The following NLRP13 variants were observed in gnomAD, a reference collection of about 807,000 sequenced individuals.
NLRP13 encodes NLR family pyrin domain containing 13, also known as NACHT, LRR and PYD domains-containing protein 13.
A neutral mutation model predicts 94.4 loss-of-function variants in NLRP13; 82 were observed. The observed-to-expected ratio is 0.87, with a 90% confidence interval of 0.73 to 1.04. The LOEUF (loss-of-function observed/expected upper bound fraction) is 1.04. Among genes scored for constraint, NLRP13 ranks in the 50% least tolerant of loss-of-function variants. NLRP13 has a pLI of 0.00. For missense variants in NLRP13, 1,426 were observed against 1,230.8 expected (o/e 1.16, Z -2.37); for synonymous variants, 553 against 464.7 (o/e 1.19, Z -2.45).
At chr19:55,930,820 G>A (rs1987096677) in intron 1 of NLRP13, among the ~76,000 whole-genome samples, 1 of 132,956 alleles carries the variant, frequency 7.5e-6, no homozygotes, top group Admixed American at 7.4e-5. Context: ...ACTCACCACA[G>A]CAGATTACAT....
intron 4 of NLRP13, among the ~76,000 whole-genome samples, chr19:55,921,483 G>C (rs1986824628): frequency 6.6e-6 from 1 of 152,138 alleles, no homozygotes; most frequent in African/African-American, 2.4e-5. Flanking sequence ...ATGCACATAT[G>C]ATATGGACAT....
In NLRP13 at chr19:55,898,204, TTGTTTTTG is replaced by T. The variant is rs1319412365; in HGVS notation, c.2957+558_2957+565del. On this transcript the variant is annotated intron_variant, in intron 10 of 10. Coordinates refer to ENST00000342929, the MANE Select transcript of NLRP13 (RefSeq NM_176810.2). ...TCATCTAGCAGGAGAGTTTTTGTTT[TTGTTTTTG>T]TTTTTTTTTTTTTTGAGATGGAGTT... Among the ~76,000 whole-genome samples the T allele has an allele frequency of 9.0e-3, 289 of 31,974 alleles. 7 individuals are homozygous for T. Among genetic ancestry groups the T allele is most frequent in the African/African-American group, 0.024 (231 of 9,482 alleles). 21.0% of individuals were successfully genotyped at this position (31,974 alleles called of 152,430 possible).
downstream of NLRP13, among the ~76,000 whole-genome samples, chr19:55,893,854 A>G (rs1015701479): frequency 1.3e-5 from 2 of 152,188 alleles, no homozygotes; most frequent in Non-Finnish European, 2.9e-5. Context: ...CTTCATCTTT[A>G]ACGGTTGCTG....
At chr19:55,914,007 C>T (rs1273072010) in intron 4 of NLRP13, among the ~76,000 whole-genome samples, 2 of 152,226 alleles carry the variant, frequency 1.3e-5, no homozygotes, top group Admixed American at 6.5e-5. Context: ...TGACCCGACT[C>T]GACTCACAAG....
chr19:55,897,957 T>C (rs1046837357), intron 10 of NLRP13, among the ~76,000 whole-genome samples: 1 of 152,152 alleles, frequency 6.6e-6, no homozygotes. Flanking sequence ...CAAAAAATCC[T>C]ACGGTTCAGA....
chr19:55,894,907 A>G (rs1439440426), downstream of NLRP13, among the ~76,000 whole-genome samples: 1 of 152,208 alleles, frequency 6.6e-6, no homozygotes, highest in African/African-American at 2.4e-5. Context: ...TGCACCATCC[A>G]GTACGGTAGT....
chr19:55,922,920 AGT>A (rs1986868806), intron 4 of NLRP13, among the ~76,000 whole-genome samples: 1 of 152,178 alleles, frequency 6.6e-6, no homozygotes, highest in South Asian at 2.1e-4. Flanking sequence ...AGCCCCAAAG[AGT>A]AGTGGGTGGA....
chr19:55,891,840 C>T (rs575938572), downstream of NLRP13: 24 of 376,622 alleles, frequency 6.4e-5, 1 homozygote, highest in South Asian at 1.2e-3. Context: ...CAGACCTGGG[C>T]GTGCAATGGG....
At position 55,902,049 on chromosome 19, in the gene NLRP13, G is replaced by T. The variant is rs1027670535; in HGVS notation, c.2775C>A (p.Asn925Lys). Residue 925 changes from asparagine to lysine, a missense_variant, in exon 9 of 11, where the codon AAC (asparagine) becomes AAA (lysine). Asn to Lys is a moderately conservative substitution (Grantham distance 94, BLOSUM62 0). Transcript: ENST00000342929. ...AGAAAACTTACTTCAGGCTCTGCAGGTTACCATCTGGGCGACCCAAGGCCT... is the reference window on the plus strand; with the variant it reads ...AGAAAACTTACTTCAGGCTCTGCAGTTTACCATCTGGGCGACCCAAGGCCT... ...LCEALGRPDGNLQSLNLSGCS... is the reference protein window; with the variant it reads ...LCEALGRPDGKLQSLNLSGCS... The T allele has an allele frequency of 6.2e-7, 1 of 1,613,926 alleles. No individual in the cohort carries two copies. Among genetic ancestry groups the T allele is most frequent in the African/African-American group, 1.3e-5 (1 of 74,906 alleles).
At chr19:55,900,509 C>A (rs371052407) in intron 9 of NLRP13, among the ~76,000 whole-genome samples, 2 of 152,110 alleles carry the variant, frequency 1.3e-5, no homozygotes, top group East Asian at 3.9e-4. Flanking sequence ...CGGTGGCTCA[C>A]GCCTGTAATC....
intron 1 of NLRP13, 115 bp from the exon 2 acceptor site, chr19:55,925,150 C>T (rs1477436788): frequency 3.3e-6 from 3 of 897,092 alleles, no homozygotes; most frequent in Non-Finnish European, 5.4e-6. Context: ...GTTTGAAGGT[C>T]TGATTCCTCC....
chr19:55,924,408 C>T (rs773334873), intron 3 of NLRP13, among the ~76,000 whole-genome samples, 182 bp downstream of exon 3: 26 of 152,140 alleles, frequency 1.7e-4, no homozygotes, highest in Admixed American at 1.6e-3. Flanking sequence ...CAGATATGAG[C>T]CGTTCTACTC....
intron 1 of NLRP13, among the ~76,000 whole-genome samples, chr19:55,926,449 C>T (rs972082789): frequency 1.3e-5 from 2 of 152,154 alleles, no homozygotes; most frequent in African/African-American, 4.8e-5. Context: ...ACTCACCAGG[C>T]CTAGGCATTC....
rs780778410 is a variant in NLRP13, at chr19:55,924,601, T to C, written c.446A>G (p.Glu149Gly). 1.9e-6 allele frequency: 3 copies of C among 1,613,044 alleles called. No homozygotes were observed. The African/African-American group carries it at 4.0e-5, about 22-fold the overall frequency. Residue 149 changes from glutamate (E) to glycine (G), a missense_variant, in exon 3 of 11, where the codon GAA becomes GGA. Glu to Gly is a moderately conservative substitution (Grantham distance 98, BLOSUM62 -2). Coordinates refer to ENST00000342929, the MANE Select transcript of NLRP13 (RefSeq NM_176810.2). ...DPNQEELDEL[E>G]EETGNVQAQG... ...AGTAATGTACACACCTGTTTCTTCT[T>C]CTAGCTCGTCTAGTTCTTCTTGGTT...
intron 5 of NLRP13, among the ~76,000 whole-genome samples, chr19:55,911,065 G>A (rs1318210446): frequency 2.0e-5 from 3 of 152,158 alleles, no homozygotes; most frequent in Admixed American, 2.0e-4. Context: ...GGGTGTGGGG[G>A]TTGCAAGACC....
At chr19:55,913,856 A>G (rs576806323) in intron 4 of NLRP13, among the ~76,000 whole-genome samples, 1 of 151,950 alleles carries the variant, frequency 6.6e-6, no homozygotes, top group East Asian at 1.9e-4. Flanking sequence ...CCAGCTCAGC[A>G]CCCCAAAGAC....
At chr19:55,924,469 A>G (rs1016866067) in intron 3 of NLRP13, 121 bp downstream of exon 3, 4 of 709,246 alleles carry the variant, frequency 5.6e-6, no homozygotes, top group Admixed American at 2.4e-5. Flanking sequence ...AGATGGAAAG[A>G]GTTTTTAATT....
At chr19:55,906,488 C>G (rs1292438249) in intron 7 of NLRP13, among the ~76,000 whole-genome samples, 1 of 152,088 alleles carries the variant, frequency 6.6e-6, no homozygotes, top group Non-Finnish European at 1.5e-5. Context: ...CACTGTGCCA[C>G]TCCAGCTTGC....
rs139718898 is a variant in NLRP13, at chr19:55,912,213, G to A, written c.1604C>T (p.Thr535Ile). 1,263 of 1,614,160 alleles carry A rather than the reference G, an allele frequency of 7.8e-4. 10 individuals carry two copies. The African/African-American group carries it at 0.015, about 19-fold the overall frequency. The change falls in exon 5 of 11, where the codon ACC becomes ATC. Residue 535 changes from threonine to isoleucine, a missense_variant. By Grantham distance (89) the Thr-to-Ile change is moderately conservative. Coordinates refer to ENST00000342929, the MANE Select transcript of NLRP13 (RefSeq NM_176810.2). ...INDCGGCTTF[T>I]HLSFQEFFAA... Reference sequence around the variant, plus strand: ...AAAAAACTCCTGGAAACTTAGGTGGGTGAAAGTAGTGCAACCCCCACAGTC... The same window carrying A: ...AAAAAACTCCTGGAAACTTAGGTGGATGAAAGTAGTGCAACCCCCACAGTC...
Sources: allele counts gnomAD v4.1 joint callset (sites outside exome capture counted in the v4.1 genomes callset), GRCh38; gene constraint gnomAD v4.1.1; transcripts MANE v1.5; gene names NCBI Gene and HGNC (gene_info 2026-07-23, HGNC 2026-07-21).